STK38L: variants seen among roughly 807,000 people sequenced by gnomAD.
STK38L encodes serine/threonine kinase 38 like, also known as serine/threonine-protein kinase 38-like.
A neutral mutation model predicts 59.7 loss-of-function variants in STK38L; 28 were observed. That is an observed-to-expected ratio of 0.47 (90% confidence interval 0.35 to 0.64). The LOEUF (loss-of-function observed/expected upper bound fraction) is 0.64. Ranked by LOEUF, STK38L falls within the 30% of genes least tolerant of loss-of-function variation. The pLI is 0.01. For missense variants in STK38L, 314 were observed against 555.8 expected (o/e 0.56, Z 4.37); for synonymous variants, 162 against 176.8 (o/e 0.92, Z 0.66).
In STK38L at chr12:27,305,423, T is replaced by TA. The variant is rs58113318; in HGVS notation, c.187-2910dup. On this transcript the variant is annotated intron_variant, in intron 3 of 13. Transcript: ENST00000389032. ...TTATAAAACTTCTAATGTTTTTCTC[T>TA]AAAAAATGTTTTTAATTCCACAGGT... Among the ~76,000 whole-genome samples the TA allele has an allele frequency of 7.6e-3, 1,158 of 152,070 alleles. 9 individuals carry two copies. Among genetic ancestry groups the TA allele is most frequent in the African/African-American group, 9.4e-3 (390 of 41,438 alleles).
rs769405820 is a variant in STK38L, at chr12:27,297,731, C to T, written c.11C>T (p.Thr4Met). The change falls in exon 2 of 14, where the codon ACG becomes ATG. Residue 4 changes from threonine (T) to methionine (M), a missense_variant. Coordinates refer to ENST00000389032, the MANE Select transcript of STK38L (RefSeq NM_015000.4). MAM[T>M]AGTTTTFPMS... is the part of the protein sequence containing the mutation. ...TCAGTTTCCGTTACTATGGCAATGA[C>T]GGCAGGGACTACAACAACCTTTCCT... 8.1e-6 allele frequency: 13 copies of T among 1,613,214 alleles called. No individual in the cohort carries two copies. Among genetic ancestry groups the T allele is most frequent in the African/African-American group, 5.3e-5 (4 of 74,864 alleles).
At chr12:27,250,982 G>A (rs1006962073) in intron 1 of STK38L, among the ~76,000 whole-genome samples, 1 of 132,758 alleles carries the variant, frequency 7.5e-6, no homozygotes, top group African/African-American at 2.9e-5. Flanking sequence ...CTGGGTGACA[G>A]TGAGACTCTG....
rs7298409 is a variant in STK38L, at chr12:27,314,207, C to A, written c.518-297C>A. On this transcript the variant is annotated intron_variant, in intron 6 of 13. Coordinates refer to ENST00000389032, the MANE Select transcript of STK38L (RefSeq NM_015000.4). ...CTTGAAACCAGGAGTTTGAGACCAGCCTGGCCAACATGGCAAAACCCCATC... is the reference window on the plus strand; with the variant it reads ...CTTGAAACCAGGAGTTTGAGACCAGACTGGCCAACATGGCAAAACCCCATC... 3.9e-3 allele frequency among the ~76,000 whole-genome samples: 591 copies of A among 152,148 alleles called. 2 individuals carry two copies. Among genetic ancestry groups the A allele is most frequent in the African/African-American group, 0.014 (579 of 41,518 alleles).
intron 1 of STK38L, among the ~76,000 whole-genome samples, chr12:27,252,043 G>A (rs761619543): frequency 2.0e-5 from 3 of 151,964 alleles, no homozygotes; most frequent in East Asian, 1.9e-4. Flanking sequence ...GCAGTGGCGC[G>A]ATCTCAGCTC....
intron 1 of STK38L, among the ~76,000 whole-genome samples, chr12:27,268,726 G>T (rs561478270): frequency 6.6e-6 from 1 of 152,144 alleles, no homozygotes; most frequent in Admixed American, 6.5e-5. Flanking sequence ...CTAGTTTACA[G>T]TCCCACCAAC....
rs2136654758 is a variant in STK38L at position 27,322,183 on chromosome 12, G to C, written c.1216G>C (p.Asp406His). ...AATCCCTATAGAAATCAAAAGCATTGATGATACTTCAAATTTTGATGACTT... is the reference window on the plus strand; with the variant it reads ...AATCCCTATAGAAATCAAAAGCATTCATGATACTTCAAATTTTGATGACTT... ...AAIPIEIKSIDDTSNFDDFPE... is the reference protein window; with the variant it reads ...AAIPIEIKSIHDTSNFDDFPE... Residue 406 changes from aspartate (D) to histidine (H), a missense_variant, in exon 13 of 14, where the codon GAT (aspartate) becomes CAT (histidine). This residue lies in a region of STK38L where 94 missense variants were observed against 142.2 expected (regional missense o/e 0.66). Transcript: ENST00000389032. 1.2e-6 allele frequency: 2 copies of C among 1,613,884 alleles called. No homozygotes were observed. Among genetic ancestry groups the C allele is most frequent in the South Asian group, 2.2e-5 (2 of 91,070 alleles).
chr12:27,309,915 G>T (rs1461598014), intron 5 of STK38L, among the ~76,000 whole-genome samples: 1 of 152,162 alleles, frequency 6.6e-6, no homozygotes, highest in Non-Finnish European at 1.5e-5. Context: ...TAAATATTCT[G>T]GGCTCTCTGC....
intron 1 of STK38L, among the ~76,000 whole-genome samples, chr12:27,276,903 T>G (rs1943548905): frequency 6.6e-6 from 1 of 152,168 alleles, no homozygotes; most frequent in African/African-American, 2.4e-5. Flanking sequence ...ATCCTTCCCT[T>G]TCCTCTCTCC....
intron 1 of STK38L, among the ~76,000 whole-genome samples, chr12:27,274,454 A>C (rs1319941866): frequency 2.0e-5 from 3 of 152,182 alleles, no homozygotes; most frequent in Non-Finnish European, 4.4e-5. Context: ...TGGTGTAAAA[A>C]TCACCTGAAA....
chr12:27,322,542 A>C lies in STK38L; in HGVS notation c.*87A>C. 1 of 1,502,510 alleles carries C rather than the reference A, an allele frequency of 6.7e-7. No homozygotes were observed. Among genetic ancestry groups the C allele is most frequent in the East Asian group, 2.3e-5 (1 of 43,398 alleles). The allele number at this position is 1,502,510 out of a possible 1,614,324, so 93.1% of individuals were successfully genotyped here. ...GGCGTAGATAACAATACACTGAAAT[A>C]CTCCTGAAGATGGTGGTGCTTATTG... is the stretch of plus-strand genomic sequence containing the variant. On this transcript the variant is annotated 3_prime_UTR_variant, in exon 14 of 14. Transcript: ENST00000389032.
chr12:27,313,517 G>C (rs1358432393), intron 6 of STK38L, among the ~76,000 whole-genome samples: 1 of 151,990 alleles, frequency 6.6e-6, no homozygotes, highest in African/African-American at 2.4e-5. Context: ...GAGTAGCTGG[G>C]ATTACAGGTG....
chr12:27,269,180 A>T (rs540002589), intron 1 of STK38L, among the ~76,000 whole-genome samples: 7,263 of 152,252 alleles, frequency 0.048, 565 homozygotes, highest in African/African-American at 0.16. Context: ...TGTTTTAGAC[A>T]TGAAGTCCTT....
intron 6 of STK38L, among the ~76,000 whole-genome samples, chr12:27,313,960 A>C (rs1944522516): frequency 1.3e-5 from 2 of 152,146 alleles, no homozygotes; most frequent in Admixed American, 6.5e-5. Flanking sequence ...GGTAGATATT[A>C]CTTCATTATC....
chr12:27,311,116 T>A (rs1591933665), intron 5 of STK38L, among the ~76,000 whole-genome samples: 1 of 152,196 alleles, frequency 6.6e-6, no homozygotes, highest in Non-Finnish European at 1.5e-5. Context: ...TTAAACCATT[T>A]AAAAATAATC....
At chr12:27,297,487 C>T (rs576409622) in intron 1 of STK38L, among the ~76,000 whole-genome samples, 5 of 152,312 alleles carry the variant, frequency 3.3e-5, no homozygotes, top group African/African-American at 9.6e-5. Context: ...TCTTTGCTGT[C>T]ATTAACTCCT....
At chr12:27,246,913 G>A (rs1942867109) in intron 1 of STK38L, among the ~76,000 whole-genome samples, 2 of 152,138 alleles carry the variant, frequency 1.3e-5, no homozygotes, top group Admixed American at 6.5e-5. Flanking sequence ...ACACTCGGAC[G>A]AACTGTGGTT....
chr12:27,308,423 G>T lies in STK38L; in HGVS notation c.271G>T (p.Glu91Ter). The T allele has an allele frequency of 6.3e-7, 1 of 1,597,828 alleles. No individual in the cohort carries two copies. The highest frequency in any genetic ancestry group is 1.1e-5 in the South Asian group (1 of 89,636). The change falls in exon 4 of 14, where the codon GAG becomes TAG. Residue 91 changes from glutamate (E) to a stop codon, truncating the protein, a stop_gained. Coordinates refer to ENST00000389032, the MANE Select transcript of STK38L (RefSeq NM_015000.4). LOFTEE classifies it high-confidence loss of function. This position sits in a 1 kb window ranked among gnomAD's most constrained non-coding sequence, Gnocchi z 4.5. ...GACCAGACTTGGCTTGGATGACTTT[G>T]AGTCTCTGAAAGTTATAGGAAGAGG... ...KRTRLGLDDF[E>*]SLKVIGRGAF...
intron 1 of STK38L, among the ~76,000 whole-genome samples, chr12:27,258,265 G>A (rs561208413): frequency 3.3e-5 from 5 of 152,250 alleles, no homozygotes; most frequent in East Asian, 1.9e-4. Context: ...GGCTGTTCTC[G>A]AACTCCTGAG....
At chr12:27,306,714 AACACACACACAC>A (rs10553623) in intron 3 of STK38L, among the ~76,000 whole-genome samples, 6 of 139,184 alleles carry the variant, frequency 4.3e-5, no homozygotes, top group Admixed American at 7.4e-5. Context: ...GAATTTTATA[AACACACACACAC>A]ACACACACAC....
Sources: allele counts gnomAD v4.1 joint callset (sites outside exome capture counted in the v4.1 genomes callset), GRCh38; gene constraint gnomAD v4.1.1; regional missense constraint gnomAD v4.1.1; non-coding constraint Gnocchi (gnomAD v3.1); transcripts MANE v1.5; gene names NCBI Gene and HGNC (gene_info 2026-07-23, HGNC 2026-07-21).